The following CLASP1 variants were observed in gnomAD, a reference collection of about 807,000 sequenced individuals.
CLASP1 encodes cytoplasmic linker associated protein 1.
Under a neutral mutation model 192.3 loss-of-function variants are expected in CLASP1, and 38 were observed. The observed-to-expected ratio is 0.20, with a 90% CI of 0.15 to 0.26. The LOEUF (loss-of-function observed/expected upper bound fraction) is 0.26. Ranked by LOEUF, CLASP1 falls within the 10% of genes least tolerant of loss-of-function variation. CLASP1 has a pLI of 1.00. For missense variants in CLASP1, 1,433 were observed against 1,932.5 expected (o/e 0.74, Z 4.85); for synonymous variants, 691 against 712.8 (o/e 0.97, Z 0.49).
At chr2:121,595,480 A>G (rs774425872) in intron 2 of CLASP1, among the ~76,000 whole-genome samples, 2 of 152,240 alleles carry the variant, frequency 1.3e-5, no homozygotes, top group Non-Finnish European at 2.9e-5. Flanking sequence ...TTGACATTCA[A>G]TTTATTACTT....
rs79525777 is a variant in CLASP1, at chr2:121,355,808, G to A, written c.4207-7090C>T. Among the ~76,000 whole-genome samples, 343 of 152,286 alleles carry A rather than the reference G, an allele frequency of 2.3e-3. 3 individuals are homozygous for A. Among genetic ancestry groups the A allele is most frequent in the Admixed American group, 3.9e-3 (59 of 15,304 alleles). ...CAGAAGTGGCAAGGATTTAGAAAGG[G>A]GTGAGGGACTATTCAAAGAGGACAG... On this transcript the variant is annotated intron_variant, in intron 37 of 39. Transcript: ENST00000263710.
intron 8 of CLASP1, among the ~76,000 whole-genome samples, chr2:121,482,927 G>C (rs959562173): frequency 3.3e-5 from 5 of 152,156 alleles, no homozygotes; most frequent in African/African-American, 1.2e-4. Context: ...AAAACAGACA[G>C]AGCCTTCTCC....
chr2:121,585,545 G>T (rs1231662704), intron 2 of CLASP1, among the ~76,000 whole-genome samples: 1 of 151,930 alleles, frequency 6.6e-6, no homozygotes, highest in Non-Finnish European at 1.5e-5. Context: ...TTTGGAGATA[G>T]GAAAAAACAA....
intron 37 of CLASP1, among the ~76,000 whole-genome samples, chr2:121,354,159 T>C (rs1170972291): frequency 6.6e-6 from 1 of 152,166 alleles, no homozygotes; most frequent in Non-Finnish European, 1.5e-5. Context: ...ACATTTTTCC[T>C]AAGGAGCTAG....
At chr2:121,626,619 C>T (rs539957867) in intron 1 of CLASP1, among the ~76,000 whole-genome samples, 6 of 151,936 alleles carry the variant, frequency 3.9e-5, no homozygotes, top group Non-Finnish European at 7.4e-5. Context: ...GAGATGGGGT[C>T]TTGCTATGTT....
At chr2:121,432,728 T>C (rs1309147025) in intron 19 of CLASP1, among the ~76,000 whole-genome samples, 1 of 152,166 alleles carries the variant, frequency 6.6e-6, no homozygotes, top group African/African-American at 2.4e-5. Context: ...TATAATTTAT[T>C]AAATTATATT....
intron 32 of CLASP1, among the ~76,000 whole-genome samples, chr2:121,386,457 A>G (rs11122854): frequency 0.96 from 146,891 of 152,320 alleles, 70,864 homozygotes; most frequent in East Asian, 1. Flanking sequence ...GCCCATGTGA[A>G]GGGGTCACTA....
chr2:121,448,265 G>A lies in CLASP1; in HGVS notation c.1741+11C>T. Reference sequence around the variant, plus strand: ...CGGAGAACAGGCCTTCTCCACGGCTGTCAGTCTCACCTCTAGATGTGGTAC... The same window carrying A: ...CGGAGAACAGGCCTTCTCCACGGCTATCAGTCTCACCTCTAGATGTGGTAC... On this transcript the variant is annotated intron_variant, in intron 18 of 39. Coordinates refer to ENST00000263710, the Ensembl canonical transcript of CLASP1. 6.2e-7 allele frequency: 1 copy of A among 1,612,670 alleles called. No homozygotes were observed. The highest frequency in any genetic ancestry group is 8.5e-7 in the Non-Finnish European group (1 of 1,178,638).
chr2:121,599,981 T>A (rs555035626), intron 2 of CLASP1, among the ~76,000 whole-genome samples: 19 of 151,224 alleles, frequency 1.3e-4, no homozygotes, highest in Admixed American at 7.2e-4. Flanking sequence ...ATAAAGCTAA[T>A]CCCTTTAATC....
chr2:121,349,568 C>CT, intron 37 of CLASP1, among the ~76,000 whole-genome samples: 1 of 152,332 alleles, frequency 6.6e-6, no homozygotes, highest in East Asian at 1.9e-4. Flanking sequence ...GACTTCAATG[C>CT]TGGCACTTCC....
chr2:121,477,435 A>G (rs2091769302), intron 8 of CLASP1, among the ~76,000 whole-genome samples: 1 of 152,232 alleles, frequency 6.6e-6, no homozygotes, highest in African/African-American at 2.4e-5. Context: ...TTTTCCTGCT[A>G]GAAAGAAATG....
At position 121,377,350 on chromosome 2, in the gene CLASP1, A is replaced by G. The variant is rs1218457540; in HGVS notation, c.3642+149T>C. 1.5e-5 allele frequency: 9 copies of G among 611,594 alleles called. No homozygotes were observed. The East Asian group carries it at 1.7e-4, about 11-fold the overall frequency. The allele number at this position is 611,594 out of a possible 1,614,324, so 37.9% of individuals were successfully genotyped here. On this transcript the variant is annotated intron_variant, in intron 34 of 39. Transcript: ENST00000263710. Reference sequence around the variant, plus strand: ...TCCCATAAATGTGTATAATTATTACATGTCAACTAAAACTAAAAGGAAAAC... The same window carrying G: ...TCCCATAAATGTGTATAATTATTACGTGTCAACTAAAACTAAAAGGAAAAC...
intron 39 of CLASP1, among the ~76,000 whole-genome samples, chr2:121,345,816 C>T (rs1377536873): frequency 6.6e-6 from 1 of 152,218 alleles, no homozygotes; most frequent in Non-Finnish European, 1.5e-5. Flanking sequence ...TTCTGCCCCC[C>T]AGAGGGCATC....
intron 30 of CLASP1, among the ~76,000 whole-genome samples, chr2:121,390,360 A>G (rs919401362): frequency 6.6e-6 from 1 of 152,218 alleles, no homozygotes; most frequent in African/African-American, 2.4e-5. Flanking sequence ...AAGAGGCAAG[A>G]CCGTTAGGCA....
At chr2:121,549,183 T>C (rs1024640174) in intron 2 of CLASP1, among the ~76,000 whole-genome samples, 3 of 152,104 alleles carry the variant, frequency 2.0e-5, no homozygotes, top group Non-Finnish European at 4.4e-5. Flanking sequence ...TATGCTGTCT[T>C]CAAGAAACTG....
At chr2:121,636,430 G>A (rs192158727) in intron 1 of CLASP1, among the ~76,000 whole-genome samples, 10 of 151,324 alleles carry the variant, frequency 6.6e-5, no homozygotes, top group Non-Finnish European at 1.2e-4. Flanking sequence ...TTGGGAGGCC[G>A]AGGCGGGTGG....
At chr2:121,593,698 C>G (rs529966487) in intron 2 of CLASP1, among the ~76,000 whole-genome samples, 1 of 149,272 alleles carries the variant, frequency 6.7e-6, no homozygotes, top group African/African-American at 2.5e-5. Context: ...AGAACTGGAT[C>G]ATGAAACAGG....
intron 1 of CLASP1, among the ~76,000 whole-genome samples, chr2:121,639,652 T>C (rs2071632058): frequency 6.6e-6 from 1 of 151,850 alleles, no homozygotes; most frequent in Non-Finnish European, 1.5e-5. Flanking sequence ...TCACCTGAGG[T>C]TGGGAGTTCA....
At chr2:121,530,948 T>TA (rs1355984470) in intron 2 of CLASP1, 10 of 700,314 alleles carry the variant, frequency 1.4e-5, no homozygotes, top group South Asian at 3.0e-5. Flanking sequence ...TGCTAACGCC[T>TA]GAACAACACA....
Sources: allele counts gnomAD v4.1 joint callset (sites outside exome capture counted in the v4.1 genomes callset), GRCh38; gene constraint gnomAD v4.1.1; transcripts MANE v1.5; gene names NCBI Gene and HGNC (gene_info 2026-07-23, HGNC 2026-07-21).